FRMD5: variants seen among roughly 807,000 people sequenced by gnomAD.
FRMD5 encodes FERM domain containing 5, also known as FERM domain-containing protein 5.
In FRMD5, 20 loss-of-function variants were observed where a neutral mutation model predicts 69.0. That is an observed-to-expected ratio of 0.29 (90% CI 0.20 to 0.42). FRMD5 has a LOEUF of 0.42. FRMD5 is among the 10% of genes least tolerant of loss of function. FRMD5 has a pLI of 1.00. For synonymous variants in FRMD5, 271 were observed against 260.1 expected (o/e 1.04, Z -0.40); for missense variants, 595 against 708.6 (o/e 0.84, Z 1.82).
chr15:44,100,112 G>A (rs1759421929), intron 1 of FRMD5, among the ~76,000 whole-genome samples: 1 of 149,316 alleles, frequency 6.7e-6, no homozygotes, highest in Admixed American at 6.7e-5. Context: ...GGAGTGTGGT[G>A]GCATGATCTC....
intron 1 of FRMD5, among the ~76,000 whole-genome samples, chr15:43,961,977 C>A (rs1294818106): frequency 6.6e-6 from 1 of 152,280 alleles, no homozygotes; most frequent in South Asian, 2.1e-4. Flanking sequence ...TGGAAGCATT[C>A]CCTTTGAAAA....
intron 1 of FRMD5, among the ~76,000 whole-genome samples, chr15:44,140,998 C>A (rs200990411): frequency 6.6e-6 from 1 of 151,038 alleles, no homozygotes; most frequent in South Asian, 2.1e-4. Flanking sequence ...TCTTACATAC[C>A]GTAATAACCA....
intron 1 of FRMD5, among the ~76,000 whole-genome samples, chr15:44,175,919 G>A (rs2077886802): frequency 6.6e-6 from 1 of 152,118 alleles, no homozygotes; most frequent in South Asian, 2.1e-4. Flanking sequence ...TCATGAATCA[G>A]AAGACTTAAT....
intron 1 of FRMD5, among the ~76,000 whole-genome samples, chr15:43,938,617 T>C (rs1039566635): frequency 6.6e-6 from 1 of 152,164 alleles, no homozygotes; most frequent in Non-Finnish European, 1.5e-5. Flanking sequence ...TCTGAACTCT[T>C]TGGATTCCTT....
At chr15:44,061,243 T>TGG (rs2140379718) in intron 1 of FRMD5, among the ~76,000 whole-genome samples, 1 of 152,346 alleles carries the variant, frequency 6.6e-6, no homozygotes, top group South Asian at 2.1e-4. Flanking sequence ...TTCCAGCTTT[T>TGG]CTCAATATCA....
In FRMD5 at chr15:43,933,097, G is replaced by C. The variant is rs146502084; in HGVS notation, c.103-8788C>G. 4.6e-5 allele frequency among the ~76,000 whole-genome samples: 7 copies of C among 152,318 alleles called. No homozygotes were observed. The East Asian group carries it at 1.3e-3, about 29-fold the overall frequency. On this transcript the variant is annotated intron_variant, in intron 1 of 13. Coordinates refer to ENST00000417257, the MANE Select transcript of FRMD5 (RefSeq NM_032892.5). ...AACCTCACTGGAACAACAATAGTGAGAGTCCCAGGAGAGGAGTGAGACAGC... is the reference window on the plus strand; with the variant it reads ...AACCTCACTGGAACAACAATAGTGACAGTCCCAGGAGAGGAGTGAGACAGC...
At chr15:44,187,912 C>T (rs1183148859) in intron 1 of FRMD5, among the ~76,000 whole-genome samples, 2 of 152,134 alleles carry the variant, frequency 1.3e-5, no homozygotes, top group African/African-American at 4.8e-5. Flanking sequence ...ATTTCATCTC[C>T]TTTGAAAAAC....
intron 1 of FRMD5, among the ~76,000 whole-genome samples, chr15:44,021,911 T>A (rs1407176195): frequency 6.6e-6 from 1 of 151,906 alleles, no homozygotes; most frequent in Admixed American, 6.6e-5. Context: ...CATCAACAAA[T>A]ACACAAAATG....
chr15:44,035,975 C>G (rs1213439808), intron 1 of FRMD5, among the ~76,000 whole-genome samples: 1 of 152,140 alleles, frequency 6.6e-6, no homozygotes, highest in Non-Finnish European at 1.5e-5. Flanking sequence ...TCGTAGTAAA[C>G]TCTCTCTGAA....
intron 1 of FRMD5, among the ~76,000 whole-genome samples, chr15:43,967,325 C>T (rs570886263): frequency 3.3e-5 from 5 of 151,998 alleles, no homozygotes; most frequent in African/African-American, 9.6e-5. Flanking sequence ...CTCCACCTCC[C>T]GGGTTCAAGC....
intron 1 of FRMD5, among the ~76,000 whole-genome samples, chr15:44,007,171 A>T (rs1043636119): frequency 4.1e-5 from 6 of 147,088 alleles, no homozygotes; most frequent in African/African-American, 1.2e-4. Flanking sequence ...AATTGTTACC[A>T]TTTTTTTTTT....
intron 1 of FRMD5, among the ~76,000 whole-genome samples, chr15:43,976,062 TAAAA>T (rs201696655): frequency 8.2e-6 from 1 of 122,280 alleles, no homozygotes; most frequent in African/African-American, 3.0e-5. Context: ...ATCTATGTGC[TAAAA>T]AAAAAAAAAG....
At chr15:43,938,035 T>A (rs2089791435) in intron 1 of FRMD5, among the ~76,000 whole-genome samples, 1 of 151,528 alleles carries the variant, frequency 6.6e-6, no homozygotes, top group Admixed American at 6.6e-5. Context: ...TGGGAGGCCA[T>A]CCTGGCTAAC....
intron 13 of FRMD5, among the ~76,000 whole-genome samples, chr15:43,882,943 T>A (rs2088570387): frequency 6.6e-6 from 1 of 151,612 alleles, no homozygotes. Context: ...GTAGCTGGGA[T>A]TACAGGCTCC....
Position 43,872,932 on chromosome 15 carries a change from C to T in FRMD5, c.*953G>A, listed in dbSNP as rs2088199654. The stretch of plus-strand genomic sequence containing the variant: ...CAAGGGGGTGTATATAAAATAAGCA[C>T]TGCTATCCAAATCTCAACAGTCTCT... On this transcript the variant is annotated 3_prime_UTR_variant, in exon 14 of 14. Transcript: ENST00000417257. 2 of 491,816 alleles carry T rather than the reference C, an allele frequency of 4.1e-6. No homozygotes were observed. Among genetic ancestry groups the T allele is most frequent in the African/African-American group, 1.9e-5 (1 of 51,930 alleles). The allele number at this position is 491,816 out of a possible 1,614,324, so 30.5% of individuals were successfully genotyped here.
At position 44,167,149 on chromosome 15, in the gene FRMD5, G is replaced by A. The variant is rs147069017; in HGVS notation, c.102+27804C>T. ...CTGGTTCATATTGGCTGCCCAGAGC[G>A]CTGGATTAAGAAAAATATTCAAGCC... On this transcript the variant is annotated intron_variant, in intron 1 of 13. Transcript: ENST00000417257. Among the ~76,000 whole-genome samples the A allele has an allele frequency of 5.2e-3, 790 of 152,142 alleles. 5 individuals are homozygous for A. Among genetic ancestry groups the A allele is most frequent in the Non-Finnish European group, 8.6e-3 (582 of 68,008 alleles).
intron 1 of FRMD5, among the ~76,000 whole-genome samples, chr15:44,116,433 C>A (rs1321905020): frequency 1.3e-5 from 2 of 152,040 alleles, no homozygotes; most frequent in Non-Finnish European, 1.5e-5. Context: ...AAATATATTT[C>A]TTTGGCTTTA....
At chr15:43,922,064 A>G (rs1165781275) in intron 2 of FRMD5, among the ~76,000 whole-genome samples, 1 of 152,074 alleles carries the variant, frequency 6.6e-6, no homozygotes, top group Admixed American at 6.5e-5. Flanking sequence ...ACAGGTCCCC[A>G]TTTCCCTACA....
chr15:44,165,806 G>A lies in FRMD5; in HGVS notation c.102+29147C>T, dbSNP rs992087879. 4.0e-5 allele frequency among the ~76,000 whole-genome samples: 6 copies of A among 151,872 alleles called. 1 individual carries two copies. The highest frequency in any genetic ancestry group is 2.0e-4 in the Admixed American group (3 of 15,266). On this transcript the variant is annotated intron_variant, in intron 1 of 13. Transcript: ENST00000417257. The stretch of plus-strand genomic sequence containing the variant: ...GCCATATGCCACTGTACTCCAGCCT[G>A]GGCGACAGAGTGAGACCCTGCCTCA...
Sources: gnomAD v4.1 joint callset for allele counts (sites outside exome capture counted in the v4.1 genomes callset) on GRCh38, gnomAD v4.1.1 for gene constraint, MANE v1.5 for transcripts, NCBI Gene and HGNC (gene_info 2026-07-23, HGNC 2026-07-21) for gene names.